The following PRIM1 variants were observed in gnomAD, a reference collection of about 807,000 sequenced individuals.
PRIM1 encodes DNA primase subunit 1.
A neutral mutation model predicts 60.2 loss-of-function variants in PRIM1; 38 were observed. The observed-to-expected ratio is 0.63, with a 90% CI of 0.49 to 0.83. The LOEUF is 0.83. PRIM1 is among the 40% of genes least tolerant of loss of function. The pLI, the probability that PRIM1 is intolerant of heterozygous loss-of-function variation, is 0.00. For missense variants in PRIM1, 388 were observed against 506.2 expected, an observed-to-expected ratio of 0.77 and a Z score of 2.24; for synonymous variants, 158 against 160.2, an observed-to-expected ratio of 0.99 and a Z score of 0.10.
chr12:56,732,450 C>A (rs776200916), intron 12 of PRIM1, among the ~76,000 whole-genome samples: 9 of 152,156 alleles, frequency 5.9e-5, no homozygotes, highest in Non-Finnish European at 8.8e-5. Context: ...GTGGCAATAG[C>A]GCAGTTGGCC....
At chr12:56,735,452 T>C (rs1170267446) in intron 11 of PRIM1, among the ~76,000 whole-genome samples, 2 of 152,082 alleles carry the variant, frequency 1.3e-5, no homozygotes, top group East Asian at 3.9e-4. Context: ...TAGAATGCAG[T>C]GGTGCAATTG....
intron 5 of PRIM1, among the ~76,000 whole-genome samples, chr12:56,745,013 A>T (rs905064263): frequency 2.0e-5 from 3 of 151,772 alleles, no homozygotes; most frequent in African/African-American, 7.3e-5. Flanking sequence ...AGGCTGAGAC[A>T]GGAGAATTGC....
chr12:56,743,702 G>A (rs913452748), intron 6 of PRIM1: 1 of 182,984 alleles, frequency 5.5e-6, no homozygotes, highest in Non-Finnish European at 1.1e-5. Context: ...GAGAAGTAGT[G>A]AATTCAGTGG....
intron 2 of PRIM1, among the ~76,000 whole-genome samples, chr12:56,750,797 G>T (rs1178764405): frequency 6.6e-6 from 1 of 151,900 alleles, no homozygotes; most frequent in African/African-American, 2.4e-5. Context: ...CCTCTTCCTA[G>T]TAGCTAGATA....
chr12:56,740,959 A>G (rs75607406), intron 9 of PRIM1, among the ~76,000 whole-genome samples: 1 of 152,046 alleles, frequency 6.6e-6, no homozygotes, highest in Non-Finnish European at 1.5e-5. Flanking sequence ...AACTACAGGC[A>G]TGCACCACCA....
At chr12:56,739,900 A>C (rs1228980183) in intron 9 of PRIM1, among the ~76,000 whole-genome samples, 4 of 152,126 alleles carry the variant, frequency 2.6e-5, no homozygotes, top group Non-Finnish European at 5.9e-5. Context: ...GCACTCTGGG[A>C]GGCTGAGGAG....
intron 7 of PRIM1, among the ~76,000 whole-genome samples, chr12:56,742,249 T>C (rs1454788990): frequency 6.6e-6 from 1 of 150,622 alleles, no homozygotes; most frequent in African/African-American, 2.5e-5. Context: ...TGAGACTCCA[T>C]CTCAACAACA....
chr12:56,738,354 A>G (rs1953848236), intron 11 of PRIM1, 80 bp downstream of exon 11: 1 of 1,500,684 alleles, frequency 6.7e-7, no homozygotes, highest in South Asian at 1.3e-5. Context: ...GTTGAATCAG[A>G]GAATTAATTA....
chr12:56,736,943 A>G (rs1953837367), intron 11 of PRIM1, among the ~76,000 whole-genome samples: 1 of 151,828 alleles, frequency 6.6e-6, no homozygotes, highest in Non-Finnish European at 1.5e-5. Flanking sequence ...GCCTGCCAGC[A>G]TGTCTAGCTA....
chr12:56,746,758 A>C (rs1203233899), intron 4 of PRIM1, 23 bp downstream of exon 4: 2 of 1,610,292 alleles, frequency 1.2e-6, no homozygotes, highest in Admixed American at 3.3e-5. Context: ...ACTTGACCCC[A>C]TTCAGAAACT....
At chr12:56,749,818 T>C (rs527280480) in intron 2 of PRIM1, among the ~76,000 whole-genome samples, 15 of 152,316 alleles carry the variant, frequency 9.8e-5, no homozygotes, top group African/African-American at 3.4e-4. Context: ...TATTATGCTA[T>C]GTATGTATTC....
In PRIM1 at chr12:56,743,049, A is replaced by T; in HGVS notation, c.686T>A (p.Val229Asp). 6.5e-7 allele frequency: 1 copy of T among 1,537,158 alleles called. No individual in the cohort carries two copies. Among genetic ancestry groups the T allele is most frequent in the Non-Finnish European group, 8.7e-7 (1 of 1,144,844 alleles). ...TTTATTTTCGAGAATATCTTGATTA[A>T]CCAAGGCATATTCTTCAAAGTATTT... ...IKKYFEEYAL[V>D]NQDILENKES... The change falls in exon 7 of 13, where the codon GTT becomes GAT. Residue 229 changes from valine (V) to aspartate (D), a missense_variant. This residue lies in a region of PRIM1 where 211 missense variants were observed against 277.9 expected (regional missense o/e 0.76). Transcript: ENST00000338193.
At chr12:56,743,222 A>G (rs749260424) in intron 6 of PRIM1, 126 bp from the exon 7 acceptor site, 56 of 1,136,626 alleles carry the variant, frequency 4.9e-5, no homozygotes, top group Non-Finnish European at 6.2e-5. Context: ...TTAACTAGGT[A>G]AAATGGGAAT....
rs758448681 is a variant in PRIM1, at chr12:56,746,767, C to T, written c.442+14G>A. ...TCTTACACTTGACCCCATTCAGAAA[C>T]TGCTGATACTTGCCCTTCAATGCTC... On this transcript the variant is annotated intron_variant, in intron 4 of 12. Transcript: ENST00000338193. The T allele has an allele frequency of 9.9e-6, 16 of 1,612,686 alleles. No homozygotes were observed. The highest frequency in any genetic ancestry group is 4.0e-5 in the African/African-American group (3 of 74,844).
chr12:56,738,577 G>T (rs572989949), intron 10 of PRIM1, 52 bp from the exon 11 acceptor site: 2 of 1,530,314 alleles, frequency 1.3e-6, no homozygotes, highest in East Asian at 4.9e-5. Context: ...TTTTGAGACG[G>T]AGTCTTGCTC....
intron 5 of PRIM1, among the ~76,000 whole-genome samples, chr12:56,744,450 A>G (rs529906659): frequency 2.0e-5 from 3 of 152,076 alleles, no homozygotes; most frequent in Non-Finnish European, 2.9e-5. Flanking sequence ...CCGAGATCGC[A>G]TCATTGCACT....
chr12:56,743,964 TA>T, intron 6 of PRIM1, 100 bp downstream of exon 6: 1 of 779,016 alleles, frequency 1.3e-6, no homozygotes, highest in Non-Finnish European at 2.1e-6. Flanking sequence ...ATTATTATTA[TA>T]AAATGCTACC....
In PRIM1 at chr12:56,739,891, C is replaced by T. The variant is rs1592332968; in HGVS notation, c.983-528G>A. On this transcript the variant is annotated intron_variant, in intron 9 of 12. Transcript: ENST00000338193. ...CAGTGGCTCACGCCTGTAATCCCAG[C>T]ACTCTGGGAGGCTGAGGAGGGTGGA... Among the ~76,000 whole-genome samples, 3 of 152,144 alleles carry T rather than the reference C, an allele frequency of 2.0e-5. No individual in the cohort carries two copies. In the South Asian group the frequency reaches 6.2e-4, roughly 32 times the overall value.
intron 9 of PRIM1, 121 bp from the exon 10 acceptor site, chr12:56,739,484 T>G: frequency 1.8e-6 from 1 of 545,286 alleles, no homozygotes; most frequent in Non-Finnish European, 3.1e-6. Context: ...TAAACTTATC[T>G]GTTAAGAAGA....
Sources: allele counts gnomAD v4.1 joint callset (sites outside exome capture counted in the v4.1 genomes callset), GRCh38; gene constraint gnomAD v4.1.1; regional missense constraint gnomAD v4.1.1; transcripts MANE v1.5; gene names NCBI Gene and HGNC (gene_info 2026-07-23, HGNC 2026-07-21).